The following CDH1 variants were observed in gnomAD, a reference collection of about 807,000 sequenced individuals.
The protein encoded by CDH1 is cadherin 1.
In CDH1, 35 loss-of-function variants were observed where a neutral mutation model predicts 84.5. That is an observed-to-expected ratio of 0.41 (90% CI 0.32 to 0.55). The LOEUF (loss-of-function observed/expected upper bound fraction) is 0.55. Among genes scored for constraint, CDH1 ranks in the 20% least tolerant of loss-of-function variants. CDH1 has a pLI of 0.19. For synonymous variants in CDH1, 417 were observed against 439.0 expected (o/e 0.95, Z 0.63); for missense variants, 994 against 1,126.6 (o/e 0.88, Z 1.68).
intron 2 of CDH1, among the ~76,000 whole-genome samples, chr16:68,748,263 A>C (rs560855584): frequency 2.6e-5 from 4 of 151,780 alleles, no homozygotes; most frequent in African/African-American, 9.7e-5. Flanking sequence ...CAGGCATGCT[A>C]CACCACACCT....
At chr16:68,784,912 G>A (rs1960001345) in intron 2 of CDH1, among the ~76,000 whole-genome samples, 1 of 151,028 alleles carries the variant, frequency 6.6e-6, no homozygotes, top group African/African-American at 2.4e-5. Flanking sequence ...CTACCCTCCT[G>A]TTCGGTCATT....
intron 15 of CDH1, 118 bp downstream of exon 15, chr16:68,829,915 T>G: frequency 9.4e-7 from 1 of 1,068,166 alleles, no homozygotes; most frequent in African/African-American, 1.6e-5. Flanking sequence ...TCAGCTTGCC[T>G]GAGCCCTGGA....
At chr16:68,759,168 C>T (rs529509192) in intron 2 of CDH1, among the ~76,000 whole-genome samples, 9 of 152,060 alleles carry the variant, frequency 5.9e-5, no homozygotes, top group African/African-American at 1.9e-4. Context: ...TCAAACTCCT[C>T]GGCTCGGGCA....
chr16:68,752,408 G>C (rs1232939548), intron 2 of CDH1, among the ~76,000 whole-genome samples: 1 of 152,198 alleles, frequency 6.6e-6, no homozygotes, highest in Non-Finnish European at 1.5e-5. Context: ...GAAGCCTCAG[G>C]AGGCCAGGGA....
intron 2 of CDH1, among the ~76,000 whole-genome samples, chr16:68,775,783 C>A (rs1959716261): frequency 6.6e-6 from 1 of 152,154 alleles, no homozygotes; most frequent in Non-Finnish European, 1.5e-5. Context: ...ATTTGATAGA[C>A]CCTGAAATTA....
chr16:68,779,503 C>A (rs1460929325), intron 2 of CDH1, among the ~76,000 whole-genome samples: 1 of 152,174 alleles, frequency 6.6e-6, no homozygotes, highest in Non-Finnish European at 1.5e-5. Flanking sequence ...CGGTACCTAC[C>A]TTCTAGGCTG....
In CDH1 at chr16:68,813,505, G is replaced by T; in HGVS notation, c.1320+10G>T. On this transcript the variant is annotated intron_variant, in intron 9 of 15. Transcript: ENST00000261769. ...TTTGAAAACAGCAAAGGTTTGTATG[G>T]TACCTGGCAAGATGCAGAAACTGGC... 1 of 1,613,844 alleles carries T rather than the reference G, an allele frequency of 6.2e-7. No homozygotes were observed.
chr16:68,795,741 C>A (rs534236936), intron 2 of CDH1, among the ~76,000 whole-genome samples: 244 of 151,938 alleles, frequency 1.6e-3, no homozygotes, highest in African/African-American at 5.7e-3. Flanking sequence ...GGTGATCCAC[C>A]TGGCTCGGCC....
chr16:68,808,033 G>A (rs1008562552), intron 3 of CDH1, among the ~76,000 whole-genome samples: 2 of 152,112 alleles, frequency 1.3e-5, no homozygotes, highest in African/African-American at 2.4e-5. Context: ...AGATCTTGCC[G>A]CTGTACCCCA....
At chr16:68,807,924 TAGTC>T (rs1960707794) in intron 3 of CDH1, among the ~76,000 whole-genome samples, 1 of 151,972 alleles carries the variant, frequency 6.6e-6, no homozygotes, top group Non-Finnish European at 1.5e-5. Flanking sequence ...ATACAAAAAT[TAGTC>T]AGCCATGGTG....
intron 2 of CDH1, among the ~76,000 whole-genome samples, chr16:68,748,278 A>G (rs1354291591): frequency 6.6e-6 from 1 of 151,664 alleles, no homozygotes; most frequent in African/African-American, 2.4e-5. Context: ...ACACCTGGCT[A>G]ACTTTGTTTC....
intron 2 of CDH1, among the ~76,000 whole-genome samples, chr16:68,773,887 G>A (rs1567488855): frequency 6.6e-6 from 1 of 152,158 alleles, no homozygotes; most frequent in Non-Finnish European, 1.5e-5. Flanking sequence ...GTGGAGTATG[G>A]CCAGTAGTTA....
At chr16:68,804,167 G>T (rs1316023828) in intron 3 of CDH1, among the ~76,000 whole-genome samples, 2 of 125,308 alleles carry the variant, frequency 1.6e-5, no homozygotes, top group African/African-American at 6.1e-5. Flanking sequence ...AGGCTGGAGT[G>T]CAGTGGCGCG....
At chr16:68,820,282 A>G (rs993077569) in intron 11 of CDH1, among the ~76,000 whole-genome samples, 3 of 152,130 alleles carry the variant, frequency 2.0e-5, no homozygotes, top group Non-Finnish European at 2.9e-5. Flanking sequence ...TCCCTAAGGG[A>G]ACCAGGTAAT....
intron 2 of CDH1, among the ~76,000 whole-genome samples, chr16:68,776,212 C>T (rs1311711610): frequency 6.6e-6 from 1 of 152,168 alleles, no homozygotes; most frequent in Non-Finnish European, 1.5e-5. Flanking sequence ...GTCTCAAACT[C>T]CTGACTTCAA....
intron 12 of CDH1, 142 bp from the exon 13 acceptor site, chr16:68,823,255 AGT>A: frequency 1.6e-6 from 1 of 630,614 alleles, no homozygotes. Flanking sequence ...AAAAAAAAAA[AGT>A]ACATACCTAA....
intron 2 of CDH1, among the ~76,000 whole-genome samples, chr16:68,742,327 T>G (rs1030899734): frequency 3.5e-4 from 53 of 151,540 alleles, no homozygotes; most frequent in Non-Finnish European, 4.3e-4. Context: ...TTGCCCAGAC[T>G]GGAGTGCAGT....
At chr16:68,802,209 G>T (rs943116930) in intron 3 of CDH1, among the ~76,000 whole-genome samples, 3 of 152,172 alleles carry the variant, frequency 2.0e-5, no homozygotes, top group Non-Finnish European at 2.9e-5. Flanking sequence ...GTGGGGATCG[G>T]GTAGTGTAGA....
chr16:68,812,938 T>G (rs560032983), intron 8 of CDH1, among the ~76,000 whole-genome samples: 1 of 152,186 alleles, frequency 6.6e-6, no homozygotes, highest in African/African-American at 2.4e-5. Context: ...TACTCGGGCA[T>G]CTGAGGCATG....
Sources: allele counts gnomAD v4.1 joint callset (sites outside exome capture counted in the v4.1 genomes callset), GRCh38; gene constraint gnomAD v4.1.1; transcripts MANE v1.5; gene names NCBI Gene and HGNC (gene_info 2026-07-23, HGNC 2026-07-21).